ITGA2: variants seen among roughly 807,000 people sequenced by gnomAD.
The protein encoded by ITGA2 is integrin alpha-2.
A neutral mutation model predicts 146.3 loss-of-function variants in ITGA2; 101 were observed. That is an observed-to-expected ratio of 0.69 (90% CI 0.59 to 0.81). The LOEUF (loss-of-function observed/expected upper bound fraction) is 0.81, where lower values mean the gene tolerates loss of function less well. ITGA2 is among the 40% of genes least tolerant of loss of function. The probability of loss-of-function intolerance (pLI) is 0.00; values close to 1 mark genes in which losing one functional copy is unlikely to be tolerated. For missense variants in ITGA2, 1,281 were observed against 1,402.7 expected (o/e 0.91, Z 1.39); for synonymous variants, 477 against 487.1 (o/e 0.98, Z 0.27).
chr5:52,989,403 G>A lies in ITGA2; in HGVS notation c.-66G>A, dbSNP rs1740796276. The A allele has an allele frequency of 3.2e-6, 5 of 1,544,214 alleles. No individual in the cohort carries two copies. The South Asian group carries it at 5.6e-5, about 17-fold the overall frequency. On this transcript the variant is annotated 5_prime_UTR_variant, in exon 1 of 30. Transcript: ENST00000296585. ...AGTGTGCAGGTTCTCGTATCCCTCG[G>A]CCAAGGGTATCCTCTGCAAACCTCT...
At position 52,989,481 on chromosome 5, in the gene ITGA2, C is replaced by G. The variant is rs749989878; in HGVS notation, c.13C>G (p.Arg5Gly). 3 of 1,614,160 alleles carry G rather than the reference C, an allele frequency of 1.9e-6. No homozygotes were observed. In the South Asian group the frequency reaches 3.3e-5, roughly 18 times the overall value. The change falls in exon 1 of 30, where the codon CGG becomes GGG. Residue 5 changes from arginine to glycine, a missense_variant. Physicochemically the swap from Arg to Gly is moderately radical, Grantham distance 125. Around this residue, in one of 3 missense-constraint regions of ITGA2, gnomAD observed 795 missense variants for 841.7 expected, o/e 0.94. Transcript: ENST00000296585. MGPERTGAAPLPLLL... is the reference protein window; with the variant it reads MGPEGTGAAPLPLLL... ...GGTCAGACCCAGGATGGGGCCAGAACGGACAGGGGCCGCGCCGCTGCCGCT... is the reference window on the plus strand; with the variant it reads ...GGTCAGACCCAGGATGGGGCCAGAAGGGACAGGGGCCGCGCCGCTGCCGCT...
chr5:53,074,323 G>A (rs1257315039), intron 20 of ITGA2, 62 bp from the exon 21 acceptor site: 21 of 1,278,090 alleles, frequency 1.6e-5, no homozygotes, highest in African/African-American at 2.9e-5. Context: ...TACCAGGTGC[G>A]TGCATACACA....
intron 2 of ITGA2, among the ~76,000 whole-genome samples, chr5:53,040,325 A>G (rs1743725025): frequency 6.6e-6 from 1 of 152,206 alleles, no homozygotes; most frequent in Admixed American, 6.5e-5. Flanking sequence ...GTGTAATACT[A>G]CTATGAAATG....
At chr5:53,072,416 TC>T (rs147264084) in intron 18 of ITGA2, among the ~76,000 whole-genome samples, 196 bp from the exon 19 acceptor site, 28,026 of 151,804 alleles carry the variant, frequency 0.18, 2,680 homozygotes, top group Non-Finnish European at 0.22. Context: ...TTCATCTAGC[TC>T]CCCCTGTGCA....
chr5:53,076,186 C>T (rs1745655359), intron 23 of ITGA2, among the ~76,000 whole-genome samples: 1 of 151,952 alleles, frequency 6.6e-6, no homozygotes, highest in Non-Finnish European at 1.5e-5. Flanking sequence ...CCAGAGTTCT[C>T]TACCTGGTGA....
chr5:53,056,636 A>G (rs946215671), intron 9 of ITGA2, among the ~76,000 whole-genome samples: 2 of 152,020 alleles, frequency 1.3e-5, no homozygotes, highest in Non-Finnish European at 2.9e-5. Context: ...TACAGTAAGC[A>G]TATATATTTT....
At chr5:53,068,296 C>A (rs1745235694) in intron 16 of ITGA2, among the ~76,000 whole-genome samples, 1 of 151,758 alleles carries the variant, frequency 6.6e-6, no homozygotes, top group South Asian at 2.1e-4. Context: ...AAAGATTGAC[C>A]CAATTTTGAG....
chr5:53,000,873 T>A (rs969807610), intron 1 of ITGA2, among the ~76,000 whole-genome samples: 10 of 150,732 alleles, frequency 6.6e-5, no homozygotes, highest in Non-Finnish European at 8.8e-5. Flanking sequence ...CATAAAGCAT[T>A]TTCTTTTTTT....
At chr5:53,020,960 G>T (rs967677083) in intron 1 of ITGA2, among the ~76,000 whole-genome samples, 8 of 151,670 alleles carry the variant, frequency 5.3e-5, no homozygotes, top group African/African-American at 1.9e-4. Flanking sequence ...CTCCCAAAGT[G>T]GTGGGATTAT....
intron 2 of ITGA2, among the ~76,000 whole-genome samples, chr5:53,029,481 G>A (rs1379526986): frequency 2.6e-5 from 4 of 152,042 alleles, no homozygotes; most frequent in Non-Finnish European, 5.9e-5. Flanking sequence ...CTCCTGCCTG[G>A]AAGAGTCTTC....
intron 1 of ITGA2, among the ~76,000 whole-genome samples, chr5:52,991,374 A>G (rs1170811993): frequency 6.6e-6 from 1 of 152,116 alleles, no homozygotes; most frequent in East Asian, 1.9e-4. Context: ...AAAATTTTGT[A>G]TGGCATTACC....
intron 13 of ITGA2, among the ~76,000 whole-genome samples, chr5:53,064,384 C>A (rs1745044025): frequency 6.6e-6 from 1 of 151,776 alleles, no homozygotes; most frequent in African/African-American, 2.4e-5. Flanking sequence ...CTCCTTTGAC[C>A]TTGGTTTATG....
intron 1 of ITGA2, among the ~76,000 whole-genome samples, chr5:53,013,487 A>G (rs987286852): frequency 6.6e-6 from 1 of 151,562 alleles, no homozygotes; most frequent in Non-Finnish European, 1.5e-5. Flanking sequence ...TTGTACCAGT[A>G]CCATGTTGTT....
At position 53,004,894 on chromosome 5, in the gene ITGA2, G is replaced by GTTTTT. The variant is rs548541753; in HGVS notation, c.64+15397_64+15401dup. ...TACAACTTCTAAGTTTAGTTGCTTT[G>GTTTTT]TTTTTTTTTTTTTTTTTTTTTTTTT... On this transcript the variant is annotated intron_variant, in intron 1 of 29. Coordinates refer to ENST00000296585, the MANE Select transcript of ITGA2 (RefSeq NM_002203.4). 1.2e-3 allele frequency among the ~76,000 whole-genome samples: 67 copies of GTTTTT among 55,942 alleles called. 2 individuals are homozygous for GTTTTT. Among genetic ancestry groups the GTTTTT allele is most frequent in the East Asian group, 5.0e-3 (7 of 1,388 alleles). The allele number at this position is 55,942 out of a possible 152,430, so 36.7% of individuals were successfully genotyped here.
At chr5:53,074,951 A>C in intron 21 of ITGA2, 110 bp from the exon 22 acceptor site, 1 of 754,442 alleles carries the variant, frequency 1.3e-6, no homozygotes. Context: ...GGTATATAAA[A>C]TTCAGAATCA....
chr5:52,998,038 T>C (rs1186223583), intron 1 of ITGA2, among the ~76,000 whole-genome samples: 3 of 152,246 alleles, frequency 2.0e-5, no homozygotes, highest in Non-Finnish European at 4.4e-5. Context: ...GAAGTAGTCA[T>C]GGTAATTAAG....
intron 4 of ITGA2, 82 bp from the exon 5 acceptor site, chr5:53,048,281 G>T (rs1018181768): frequency 2.0e-6 from 2 of 1,005,512 alleles, no homozygotes; most frequent in African/African-American, 1.6e-5. Context: ...GAGTAGAGAT[G>T]ATTTCTGAGC....
chr5:53,012,310 T>G (rs1171926218), intron 1 of ITGA2, among the ~76,000 whole-genome samples: 1 of 152,342 alleles, frequency 6.6e-6, no homozygotes. Context: ...TTTGGTTTTC[T>G]GTTCCTGGCA....
rs752094616 is a variant in ITGA2 at position 53,001,333 on chromosome 5, C to T, written c.64+11801C>T. ...GCAGTGCCCTGGAGGTACTAGAATT[C>T]CTTATCAGTTTCATACAATTTCAGG... is the stretch of plus-strand genomic sequence containing the variant. On this transcript the variant is annotated intron_variant, in intron 1 of 29. Coordinates refer to ENST00000296585, the MANE Select transcript of ITGA2 (RefSeq NM_002203.4). Among the ~76,000 whole-genome samples, 3 of 152,102 alleles carry T rather than the reference C, an allele frequency of 2.0e-5. 1 individual carries two copies. The highest frequency in any genetic ancestry group is 1.9e-4 in the East Asian group (1 of 5,192).
Sources: allele counts gnomAD v4.1 joint callset (sites outside exome capture counted in the v4.1 genomes callset), GRCh38; gene constraint gnomAD v4.1.1; regional missense constraint gnomAD v4.1.1; transcripts MANE v1.5; gene names NCBI Gene and HGNC (gene_info 2026-07-23, HGNC 2026-07-21).